The following TATDN1 variants were observed in gnomAD, a reference collection of about 807,000 sequenced individuals.
TATDN1 encodes the protein deoxyribonuclease TATDN1.
Under a neutral mutation model 46.4 loss-of-function variants are expected in TATDN1, and 40 were observed. The ratio of observed to expected loss-of-function variants is 0.86; its 90% CI spans 0.67 to 1.12. TATDN1 has a LOEUF of 1.12. TATDN1 is among the 50% of genes most tolerant of loss of function. The pLI is 0.00. For synonymous variants in TATDN1, 95 were observed against 105.6 expected, an observed-to-expected ratio of 0.90 and a Z score of 0.62; for missense variants, 326 against 348.4, an observed-to-expected ratio of 0.94 and a Z score of 0.51.
At position 124,514,731 on chromosome 8, in the gene TATDN1, A is replaced by G. The variant is rs534350116; in HGVS notation, c.389+1015T>C. Among the ~76,000 whole-genome samples the G allele has an allele frequency of 2.6e-5, 4 of 152,280 alleles. No individual in the cohort carries two copies. In the South Asian group the frequency reaches 8.3e-4, roughly 32 times the overall value. On this transcript the variant is annotated intron_variant, in intron 6 of 11. Transcript: ENST00000276692. ...ATTTTCTTTTCAATCTATAACACTC[A>G]CCCACCAGTATGATGACAGGAGCTC...
intron 11 of TATDN1, among the ~76,000 whole-genome samples, chr8:124,493,026 T>C (rs1435223325): frequency 6.6e-6 from 1 of 152,156 alleles, no homozygotes; most frequent in East Asian, 1.9e-4. Flanking sequence ...CATATTTTTA[T>C]AGAATAATTC....
At chr8:124,488,833 C>G in intron 11 of TATDN1, 137 bp from the exon 12 acceptor site, 1 of 613,104 alleles carries the variant, frequency 1.6e-6, no homozygotes, top group Non-Finnish European at 2.9e-6. Context: ...TTAAGTTTTT[C>G]AGCAATATCA....
intron 1 of TATDN1, among the ~76,000 whole-genome samples, chr8:124,524,906 T>G (rs746664576): frequency 1.4e-4 from 21 of 152,192 alleles, no homozygotes; most frequent in Non-Finnish European, 2.9e-4. Flanking sequence ...ATTTGAGATC[T>G]GGGATGGGGG....
intron 4 of TATDN1, 190 bp downstream of exon 4, chr8:124,518,628 T>C (rs1244869472): frequency 3.6e-6 from 2 of 558,990 alleles, no homozygotes; most frequent in Non-Finnish European, 6.4e-6. Flanking sequence ...TATGAAACAG[T>C]TTTATAAACA....
chr8:124,534,568 T>C (rs1821269069), intron 1 of TATDN1, among the ~76,000 whole-genome samples: 1 of 152,228 alleles, frequency 6.6e-6, no homozygotes, highest in Admixed American at 6.5e-5. Context: ...TCCTCCCACC[T>C]TGGCCTCCCA....
intron 3 of TATDN1, among the ~76,000 whole-genome samples, chr8:124,521,485 T>C (rs1444119195): frequency 6.6e-6 from 1 of 152,202 alleles, no homozygotes; most frequent in Non-Finnish European, 1.5e-5. Context: ...TATTTGTGAA[T>C]AATAACAAAT....
chr8:124,498,533 C>T (rs1817676364), intron 9 of TATDN1, among the ~76,000 whole-genome samples: 1 of 150,514 alleles, frequency 6.6e-6, no homozygotes, highest in Non-Finnish European at 1.5e-5. Flanking sequence ...ATTTCTAGTC[C>T]GATTTCACAC....
chr8:124,505,253 G>A (rs572846701), intron 8 of TATDN1, among the ~76,000 whole-genome samples: 4 of 151,252 alleles, frequency 2.6e-5, no homozygotes, highest in African/African-American at 7.3e-5. Flanking sequence ...GCATGGTGGC[G>A]CATGCTTGTA....
intron 9 of TATDN1, among the ~76,000 whole-genome samples, chr8:124,500,766 A>AG (rs1563651353): frequency 6.6e-6 from 1 of 151,710 alleles, no homozygotes; most frequent in Non-Finnish European, 1.5e-5. Flanking sequence ...AAAAAAAAAA[A>AG]CAAAACCAAA....
intron 1 of TATDN1, among the ~76,000 whole-genome samples, chr8:124,532,844 A>G (rs1453372079): frequency 1.3e-5 from 2 of 152,310 alleles, no homozygotes; most frequent in South Asian, 2.1e-4. Context: ...AAGCCAGCAG[A>G]ATTTTTGAGA....
chr8:124,495,651 C>T (rs1817402994), intron 9 of TATDN1, 109 bp from the exon 10 acceptor site: 1 of 766,512 alleles, frequency 1.3e-6, no homozygotes, highest in African/African-American at 1.8e-5. Flanking sequence ...CCCTATAACA[C>T]TTTGTTTTCA....
At chr8:124,504,476 G>T (rs1586591631) in intron 8 of TATDN1, 129 bp from the exon 9 acceptor site, 2 of 466,044 alleles carry the variant, frequency 4.3e-6, no homozygotes, top group East Asian at 3.5e-5. Flanking sequence ...TTTCAAAGGT[G>T]GTAGTCGCTA....
chr8:124,511,216 G>A (rs1449452683), intron 6 of TATDN1, among the ~76,000 whole-genome samples: 3 of 152,124 alleles, frequency 2.0e-5, no homozygotes, highest in South Asian at 2.1e-4. Flanking sequence ...TACAGTTGAG[G>A]TTTAACTATC....
At chr8:124,509,309 T>G (rs1375105107) in intron 6 of TATDN1, among the ~76,000 whole-genome samples, 1 of 152,248 alleles carries the variant, frequency 6.6e-6, no homozygotes, top group African/African-American at 2.4e-5. Context: ...TGTAGTACTT[T>G]GTCCAAGATA....
intron 1 of TATDN1, among the ~76,000 whole-genome samples, chr8:124,537,046 T>A (rs577457475): frequency 6.6e-6 from 1 of 152,184 alleles, no homozygotes; most frequent in Non-Finnish European, 1.5e-5. Flanking sequence ...GAAAAAAATT[T>A]ATTTCAATTA....
intron 4 of TATDN1, among the ~76,000 whole-genome samples, chr8:124,517,634 C>T (rs1347611763): frequency 6.6e-6 from 1 of 152,080 alleles, no homozygotes; most frequent in Non-Finnish European, 1.5e-5. Flanking sequence ...AAGTGAAATT[C>T]GTGAATGCCA....
intron 8 of TATDN1, among the ~76,000 whole-genome samples, chr8:124,507,807 C>T (rs1430481729): frequency 6.9e-6 from 1 of 144,984 alleles, no homozygotes; most frequent in Non-Finnish European, 1.5e-5. Flanking sequence ...AAACAAAAAA[C>T]ACACACAAAA....
intron 6 of TATDN1, among the ~76,000 whole-genome samples, chr8:124,509,212 T>C (rs1171876853): frequency 6.6e-6 from 1 of 152,214 alleles, no homozygotes; most frequent in Non-Finnish European, 1.5e-5. Context: ...AAAGAGTACT[T>C]GATAAGAAGG....
intron 8 of TATDN1, among the ~76,000 whole-genome samples, chr8:124,505,772 A>G (rs1251511013): frequency 6.6e-6 from 1 of 152,016 alleles, no homozygotes; most frequent in Non-Finnish European, 1.5e-5. Flanking sequence ...GCCTGAATAC[A>G]CTATGGATAA....
Sources: gnomAD v4.1 joint callset for allele counts (sites outside exome capture counted in the v4.1 genomes callset) on GRCh38, gnomAD v4.1.1 for gene constraint, MANE v1.5 for transcripts, NCBI Gene and HGNC (gene_info 2026-07-23, HGNC 2026-07-21) for gene names.